ASTN2: variants seen among roughly 807,000 people sequenced by gnomAD.
ASTN2 encodes the protein astrotactin-2.
In ASTN2, 54 loss-of-function variants were observed where a neutral mutation model predicts 139.8. The observed-to-expected ratio is 0.39, with a 90% CI of 0.31 to 0.48. The LOEUF is 0.48. Among genes scored for constraint, ASTN2 ranks in the 20% least tolerant of loss-of-function variants. The pLI, the probability that ASTN2 is intolerant of heterozygous loss-of-function variation, is 0.95. For missense variants in ASTN2, 1,565 were observed against 1,725.1 expected (o/e 0.91, Z 1.64); for synonymous variants, 756 against 719.5 (o/e 1.05, Z -0.81).
At chr9:116,808,273 C>T (rs1360690947) in intron 12 of ASTN2, among the ~76,000 whole-genome samples, 1 of 123,814 alleles carries the variant, frequency 8.1e-6, no homozygotes, top group Non-Finnish European at 1.7e-5. Flanking sequence ...CATTTAAATA[C>T]ATATTGTGTG....
chr9:116,513,826 A>C (rs904963576), intron 19 of ASTN2, among the ~76,000 whole-genome samples: 1 of 151,974 alleles, frequency 6.6e-6, no homozygotes, highest in Non-Finnish European at 1.5e-5. Flanking sequence ...TCACGTAGTT[A>C]TCGTGCCATG....
chr9:117,001,729 A>G (rs1031259990), intron 7 of ASTN2, among the ~76,000 whole-genome samples: 17 of 152,174 alleles, frequency 1.1e-4, no homozygotes, highest in Non-Finnish European at 1.8e-4. Flanking sequence ...TTCATGATGT[A>G]TCTCCTGAAA....
In ASTN2 at chr9:116,815,804, CAAAAA is replaced by C. The variant is rs55954354; in HGVS notation, c.2207+4808_2207+4812del. Among the ~76,000 whole-genome samples, 39 of 24,108 alleles carry C rather than the reference CAAAAA, an allele frequency of 1.6e-3. 1 individual carries two copies. In the South Asian group the frequency reaches 0.035, roughly 22 times the overall value. 15.8% of individuals were successfully genotyped at this position (24,108 alleles called of 152,430 possible). On this transcript the variant is annotated intron_variant, in intron 12 of 22. Coordinates refer to ENST00000313400, the MANE Select transcript of ASTN2 (RefSeq NM_001365068.1). ...TGGGCAACAGAGCGAGACTCCGTCT[CAAAAA>C]AAAAAAAAAAAAAAAAAAAGTTGAT...
chr9:117,164,444 C>G (rs1830623113), intron 3 of ASTN2, among the ~76,000 whole-genome samples: 1 of 152,084 alleles, frequency 6.6e-6, no homozygotes, highest in Admixed American at 6.6e-5. Flanking sequence ...GAAGCTTCCA[C>G]TCTGGCATAA....
intron 13 of ASTN2, among the ~76,000 whole-genome samples, chr9:116,796,879 A>G (rs1310492642): frequency 6.6e-6 from 1 of 152,148 alleles, no homozygotes; most frequent in African/African-American, 2.4e-5. Context: ...TGGTGCCATC[A>G]TGGCTCACGG....
At chr9:116,533,012 T>A (rs1299453273) in intron 19 of ASTN2, among the ~76,000 whole-genome samples, 2 of 152,268 alleles carry the variant, frequency 1.3e-5, no homozygotes, top group African/African-American at 4.8e-5. Context: ...TTCTTCCATT[T>A]GTTTGTGTCC....
intron 10 of ASTN2, among the ~76,000 whole-genome samples, chr9:116,915,205 G>A (rs1834408412): frequency 6.6e-6 from 1 of 152,198 alleles, no homozygotes; most frequent in African/African-American, 2.4e-5. Flanking sequence ...TAACATGTCT[G>A]TAGCAGTGAC....
chr9:117,130,854 C>G (rs1193812163), intron 4 of ASTN2, among the ~76,000 whole-genome samples: 1 of 152,180 alleles, frequency 6.6e-6, no homozygotes, highest in African/African-American at 2.4e-5. Context: ...TTAAAAAGCC[C>G]TACCTATTCA....
intron 16 of ASTN2, among the ~76,000 whole-genome samples, chr9:116,656,777 GC>G (rs1421945167): frequency 6.6e-6 from 1 of 151,074 alleles, no homozygotes; most frequent in Admixed American, 6.6e-5. Flanking sequence ...GGCACCGCTT[GC>G]CCTCATCCAG....
At chr9:117,169,118 T>C (rs1040228375) in intron 3 of ASTN2, among the ~76,000 whole-genome samples, 1 of 151,944 alleles carries the variant, frequency 6.6e-6, no homozygotes, top group African/African-American at 2.4e-5. Context: ...CAATAAACTG[T>C]AGTGATTATA....
chr9:117,048,989 G>C (rs1274429694), intron 5 of ASTN2, among the ~76,000 whole-genome samples: 3 of 35,784 alleles, frequency 8.4e-5, no homozygotes, highest in Non-Finnish European at 2.0e-4. Flanking sequence ...TTGAGACGGA[G>C]TCTTGCTCTG....
intron 17 of ASTN2, among the ~76,000 whole-genome samples, chr9:116,630,210 T>C (rs550540958): frequency 1.3e-5 from 2 of 152,092 alleles, no homozygotes; most frequent in African/African-American, 4.8e-5. Flanking sequence ...AGAGTTTGGG[T>C]TCCTTTCCTA....
intron 16 of ASTN2, among the ~76,000 whole-genome samples, chr9:116,674,295 G>A (rs1000008110): frequency 1.3e-5 from 2 of 152,186 alleles, no homozygotes. Context: ...GATGAATAAC[G>A]TACTCAGACA....
chr9:116,530,831 T>C (rs1043502776), intron 19 of ASTN2, among the ~76,000 whole-genome samples: 4 of 152,170 alleles, frequency 2.6e-5, no homozygotes, highest in Non-Finnish European at 5.9e-5. Context: ...CCTACATATG[T>C]CTGTTAAGTC....
At chr9:116,674,897 G>A (rs1339362240) in intron 16 of ASTN2, among the ~76,000 whole-genome samples, 1 of 152,154 alleles carries the variant, frequency 6.6e-6, no homozygotes, top group African/African-American at 2.4e-5. Context: ...CAAATGCTCA[G>A]GGAGACTGAT....
chr9:117,326,963 C>T (rs935022265), intron 1 of ASTN2, among the ~76,000 whole-genome samples: 3 of 152,160 alleles, frequency 2.0e-5, no homozygotes, highest in Non-Finnish European at 2.9e-5. Context: ...ACCTTTTTGG[C>T]ACTAGGTACC....
At chr9:117,252,647 C>T (rs1199772132) in intron 2 of ASTN2, among the ~76,000 whole-genome samples, 1 of 152,164 alleles carries the variant, frequency 6.6e-6, no homozygotes, top group Non-Finnish European at 1.5e-5. Flanking sequence ...ATGTCTTGTA[C>T]TATTTAATCA....
intron 14 of ASTN2, among the ~76,000 whole-genome samples, chr9:116,730,963 T>C (rs1226489533): frequency 6.6e-6 from 1 of 151,984 alleles, no homozygotes; most frequent in Non-Finnish European, 1.5e-5. Context: ...TCTATATTCC[T>C]CCCCTTCTAC....
intron 6 of ASTN2, among the ~76,000 whole-genome samples, chr9:117,012,389 T>A (rs1837562078): frequency 6.6e-6 from 1 of 152,138 alleles, no homozygotes; most frequent in Non-Finnish European, 1.5e-5. Context: ...AGGTGCCATA[T>A]CAGAGCCTGA....
Sources: gnomAD v4.1 joint callset for allele counts (sites outside exome capture counted in the v4.1 genomes callset) on GRCh38, gnomAD v4.1.1 for gene constraint, MANE v1.5 for transcripts, NCBI Gene and HGNC (gene_info 2026-07-23, HGNC 2026-07-21) for gene names.